Variants in GIGYF1 observed in about 807,000 individuals in gnomAD.
GIGYF1 encodes GRB10 interacting GYF protein 1.
Under a neutral mutation model 147.1 loss-of-function variants are expected in GIGYF1, and 84 were observed. That is an observed-to-expected ratio of 0.57 (90% CI 0.48 to 0.68). GIGYF1 has a LOEUF of 0.68. GIGYF1 is among the 30% of genes least tolerant of loss of function. GIGYF1 has a pLI of 0.00. For synonymous variants in GIGYF1, 752 were observed against 589.5 expected (o/e 1.28, Z -3.99); for missense variants, 1,485 against 1,393.7 (o/e 1.07, Z -1.04).
rs551798337 is a variant in GIGYF1, at chr7:100,683,596, G to A, written c.2006C>T (p.Ser669Phe). The A allele has an allele frequency of 2.5e-6, 4 of 1,614,210 alleles. No individual in the cohort carries two copies. Among genetic ancestry groups the A allele is most frequent in the Non-Finnish European group, 3.4e-6 (4 of 1,180,020 alleles). ...EASLWDIPIN[S>F]STQGPILEQL... ...TTCTAGAATTGGACCCTGAGTCGAA[G>A]AGTTAATTGGTATGTCCCAAAGACT... Residue 669 changes from serine to phenylalanine, a missense_variant, in exon 20 of 27, where the codon TCT becomes TTT. Transcript: ENST00000678049.
rs1187376195 is a variant in GIGYF1 at position 100,682,590 on chromosome 7, C to T, written c.2600G>A (p.Ser867Asn). Residue 867 changes from serine (S) to asparagine (N), a missense_variant and splice_region_variant, in exon 23 of 27, where the codon AGT (serine) becomes AAT (asparagine). Transcript: ENST00000678049. ...LKNSRSSPSLSDSYSHLSGRP... is the reference protein window; with the variant it reads ...LKNSRSSPSLNDSYSHLSGRP... ...CGGAGCCTCCAGGTGCCACGCCCAC[C>T]TGAGAGATGGGCTGCTCCGGCTGTT... is the stretch of plus-strand genomic sequence containing the variant. The T allele has an allele frequency of 6.3e-7, 1 of 1,596,168 alleles. No individual in the cohort carries two copies. The highest frequency in any genetic ancestry group is 1.1e-5 in the South Asian group (1 of 89,548).
chr7:100,683,974 AT>A (rs1805057209), intron 18 of GIGYF1, 45 bp downstream of exon 18: 3 of 725,438 alleles, frequency 4.1e-6, no homozygotes, highest in Non-Finnish European at 6.7e-6. Context: ...GTCTGCCCCC[AT>A]CCCCCCCCCA....
intron 14 of GIGYF1, 34 bp from the exon 15 acceptor site, chr7:100,684,928 G>A (rs757573715): frequency 2.5e-6 from 4 of 1,601,150 alleles, no homozygotes; most frequent in Non-Finnish European, 3.4e-6. Context: ...AGGCTCAGCT[G>A]CCAATCTCAG....
Position 100,684,088 on chromosome 7 carries a change from C to CGGCGGTGGT in GIGYF1, c.1791_1799dup (p.Pro600_Pro602dup). 1.9e-6 allele frequency: 3 copies of CGGCGGTGGT among 1,606,628 alleles called. No homozygotes were observed. Among genetic ancestry groups the CGGCGGTGGT allele is most frequent in the Non-Finnish European group, 2.5e-6 (3 of 1,179,516 alleles). ...GCTGCTGCTGCTGCTGCTGTGGCGG[C>CGGCGGTGGT]GGCGGTGGTGGCGGTGTCAGGTCCC... is the stretch of plus-strand genomic sequence containing the variant. On this transcript the variant is annotated inframe_insertion, in exon 18 of 27. Transcript: ENST00000678049.
intron 26 of GIGYF1, 36 bp downstream of exon 26, chr7:100,681,828 C>A: frequency 6.2e-7 from 1 of 1,608,050 alleles, no homozygotes; most frequent in Non-Finnish European, 8.5e-7. Flanking sequence ...CTGCCCTGTG[C>A]CAAGGAAGTC....
chr7:100,681,722 G>C lies in GIGYF1; in HGVS notation c.3105C>G (p.Tyr1035Ter), dbSNP rs933577830. Residue 1035 changes from tyrosine (Y) to a stop codon, truncating the protein, a stop_gained, in exon 27 of 27, where the codon TAC (tyrosine) becomes TAG (stop). Transcript: ENST00000678049. LOFTEE classifies it high-confidence loss of function. ...SSGEIESVDD[Y>*] ...AGGGGCTGGGGGTCCGGGCTGGTCA[G>C]TAGTCATCCACGCTCTCGATCTCAC... 1.3e-6 allele frequency: 2 copies of C among 1,567,618 alleles called. No homozygotes were observed. Among genetic ancestry groups the C allele is most frequent in the Non-Finnish European group, 1.7e-6 (2 of 1,156,486 alleles).
intron 20 of GIGYF1, 39 bp downstream of exon 20, chr7:100,683,511 C>A (rs372951848): frequency 1.2e-6 from 2 of 1,613,680 alleles, no homozygotes; most frequent in African/African-American, 2.7e-5. Flanking sequence ...TCGGTCCACC[C>A]TTCATTCCCA....
rs1804593672 is a variant in GIGYF1, at chr7:100,680,173, A to G, written c.*1546T>C. On this transcript the variant is annotated 3_prime_UTR_variant, in exon 27 of 27. Transcript: ENST00000678049. ...TAGTTGCCACTTTGGTGCAAAAAAA[A>G]AAAAAAAAAAAAAAAAATCCAACAA... 6.6e-6 allele frequency: 1 copy of G among 151,162 alleles called. No individual in the cohort carries two copies. Among genetic ancestry groups the G allele is most frequent in the African/African-American group, 2.4e-5 (1 of 41,094 alleles). 9.4% of individuals were successfully genotyped at this position (151,162 alleles called of 1,614,324 possible).
chr7:100,685,959 C>G lies in GIGYF1; in HGVS notation c.1054+15G>C. 6.2e-7 allele frequency: 1 copy of G among 1,606,764 alleles called. No individual in the cohort carries two copies. Among genetic ancestry groups the G allele is most frequent in the South Asian group, 1.1e-5 (1 of 90,812 alleles). On this transcript the variant is annotated intron_variant, in intron 12 of 26. Transcript: ENST00000678049. ...CCGGCCCAGCCCCAGGCCCGCTGGG[C>G]ACCCCGCGGCTCACCTGCCTCAGGC...
chr7:100,683,021 G>C lies in GIGYF1; in HGVS notation c.2403C>G (p.Asn801Lys). The C allele has an allele frequency of 6.5e-7, 1 of 1,533,220 alleles. No individual in the cohort carries two copies. The highest frequency in any genetic ancestry group is 1.4e-5 in the African/African-American group (1 of 73,486). 95.0% of individuals were successfully genotyped at this position (1,533,220 alleles called of 1,614,324 possible). The change falls in exon 22 of 27, where the codon AAC (asparagine) becomes AAG (lysine). Residue 801 changes from asparagine to lysine, a missense_variant. By Grantham distance (94) the Asn-to-Lys change is moderately conservative. Transcript: ENST00000678049. ...PREPARAQAP[N>K]HRVQLGGLGT... ...TTCCCGGCCTGCTCACCACTCGGTG[G>C]TTGGGGGCCTGGGCCCGAGCTGGCT...
Position 100,682,609 on chromosome 7 carries a change from G to T in GIGYF1, c.2581C>A (p.Arg861=), listed in dbSNP as rs753682859. ...LVRGLGLKNS[R]SSPSLSDSYS... ...GCCCACCTGAGAGATGGGCTGCTCC[G>T]GCTGTTCTTCAGGCCGAGGCCACGG... The change falls in exon 23 of 27, where the codon CGG becomes AGG. Residue 861 remains arginine, a synonymous_variant. Coordinates refer to ENST00000678049, the MANE Select transcript of GIGYF1 (RefSeq NM_001375765.1). 8.8e-6 allele frequency: 14 copies of T among 1,597,546 alleles called. No individual in the cohort carries two copies. Among genetic ancestry groups the T allele is most frequent in the Non-Finnish European group, 1.2e-5 (14 of 1,175,278 alleles).
At chr7:100,692,108 A>G (rs1175062637) in intron 1 of GIGYF1, among the ~76,000 whole-genome samples, 1 of 152,260 alleles carries the variant, frequency 6.6e-6, no homozygotes, top group African/African-American at 2.4e-5. Flanking sequence ...ACAACCGCCC[A>G]GCCCCAGGCC....
intron 1 of GIGYF1, among the ~76,000 whole-genome samples, chr7:100,692,521 A>C (rs1337386291): frequency 6.6e-6 from 1 of 152,200 alleles, no homozygotes; most frequent in Non-Finnish European, 1.5e-5. Context: ...CATTTGTTAG[A>C]CTTTCAACAT....
At position 100,684,378 on chromosome 7, in the gene GIGYF1, G is replaced by A. The variant is rs956802573; in HGVS notation, c.1630-41C>T. 12 of 1,599,180 alleles carry A rather than the reference G, an allele frequency of 7.5e-6. No individual in the cohort carries two copies. In the Admixed American group the frequency reaches 1.4e-4, roughly 18 times the overall value. On this transcript the variant is annotated intron_variant, in intron 16 of 26. Transcript: ENST00000678049. ...CTCGGCCAGTGCCCCCAGCAGGGAGGAGGGGACTCTGCTGGACTCCTGCCG... is the reference window on the plus strand; with the variant it reads ...CTCGGCCAGTGCCCCCAGCAGGGAGAAGGGGACTCTGCTGGACTCCTGCCG...
At position 100,686,774 on chromosome 7, in the gene GIGYF1, T is replaced by A; in HGVS notation, c.569A>T (p.His190Leu). The A allele has an allele frequency of 6.2e-7, 1 of 1,614,012 alleles. No homozygotes were observed. The highest frequency in any genetic ancestry group is 8.5e-7 in the Non-Finnish European group (1 of 1,180,020). Residue 190 changes from histidine to leucine, a missense_variant, in exon 10 of 27, where the codon CAC becomes CTC. Physicochemically the swap from His to Leu is moderately conservative, Grantham distance 99. Transcript: ENST00000678049. ...CCAGTTCTCGCTGTCTGAGCGGGCG[T>A]GCTCCTTCCTTGGGCCAGCCCCTCC... ...EEGGAGPRKE[H>L]ARSDSENWRS...
Position 100,686,237 on chromosome 7 carries a change from G to T in GIGYF1, c.891C>A (p.Asp297Glu). 6.2e-7 allele frequency: 1 copy of T among 1,613,926 alleles called. No homozygotes were observed. Among genetic ancestry groups the T allele is most frequent in the Non-Finnish European group, 8.5e-7 (1 of 1,179,968 alleles). Residue 297 changes from aspartate (D) to glutamate (E), a missense_variant, in exon 11 of 27, where the codon GAC becomes GAA. Physicochemically the swap from Asp to Glu is conservative, Grantham distance 45. Coordinates refer to ENST00000678049, the MANE Select transcript of GIGYF1 (RefSeq NM_001375765.1). ...DKDGLPEWCL[D>E]DEDEEMGTFD... ...AGGTGCCCATTTCTTCATCCTCATCGTCCAGGCACCACTCTGGGAGCCCAT... is the reference window on the plus strand; with the variant it reads ...AGGTGCCCATTTCTTCATCCTCATCTTCCAGGCACCACTCTGGGAGCCCAT...
intron 1 of GIGYF1, among the ~76,000 whole-genome samples, chr7:100,693,297 GT>G (rs11284657): frequency 0.99 from 149,342 of 150,674 alleles, 74,016 homozygotes; most frequent in Middle Eastern, 1. Context: ...AAATTTTTTT[GT>G]TTTTTTTTTT....
intron 1 of GIGYF1, 50 bp downstream of exon 1, chr7:100,694,060 C>A (rs1192435573): frequency 6.8e-6 from 1 of 146,182 alleles, no homozygotes; most frequent in East Asian, 2.0e-4. Context: ...GGCGGGCCTG[C>A]CCCGGGGCTG....
Position 100,685,964 on chromosome 7 carries a change from CG to C in GIGYF1, c.1054+9del. 8.7e-6 allele frequency: 14 copies of C among 1,609,938 alleles called. No individual in the cohort carries two copies. Among genetic ancestry groups the C allele is most frequent in the Non-Finnish European group, 1.0e-5 (12 of 1,178,682 alleles). ...CCAGCCCCAGGCCCGCTGGGCACCC[CG>C]CGGCTCACCTGCCTCAGGCCCTTCC... On this transcript the variant is annotated intron_variant, in intron 12 of 26. Transcript: ENST00000678049.
Sources: allele counts gnomAD v4.1 joint callset (sites outside exome capture counted in the v4.1 genomes callset), GRCh38; gene constraint gnomAD v4.1.1; transcripts MANE v1.5; gene names NCBI Gene and HGNC (gene_info 2026-07-23, HGNC 2026-07-21).